RAP2A: variants seen among roughly 807,000 people sequenced by gnomAD.
RAP2A encodes the protein ras-related protein Rap-2a.
In RAP2A, 5 loss-of-function variants were observed where a neutral mutation model predicts 15.1. That is an observed-to-expected ratio of 0.33 (90% CI 0.17 to 0.70). RAP2A has a LOEUF of 0.70. Ranked by LOEUF, RAP2A falls within the 30% of genes least tolerant of loss-of-function variation. The probability of loss-of-function intolerance (pLI) is 0.68; values close to 1 mark genes in which losing one functional copy is unlikely to be tolerated. For synonymous variants in RAP2A, 110 were observed against 99.7 expected, an observed-to-expected ratio of 1.10 and a Z score of -0.62; for missense variants, 111 against 240.3, an observed-to-expected ratio of 0.46 and a Z score of 3.56.
chr13:97,444,926 G>A (rs1269821881), intron 1 of RAP2A, among the ~76,000 whole-genome samples: 3 of 152,136 alleles, frequency 2.0e-5, no homozygotes, highest in African/African-American at 4.8e-5. Context: ...CAATAGAAAT[G>A]TATTGCTGAC....
intron 1 of RAP2A, among the ~76,000 whole-genome samples, chr13:97,444,400 A>G (rs2066671070): frequency 6.6e-6 from 1 of 152,216 alleles, no homozygotes; most frequent in Non-Finnish European, 1.5e-5. Context: ...AGACCTCTTT[A>G]TGAATACCAA....
At chr13:97,464,101 T>TA in intron 1 of RAP2A, 104 bp from the exon 2 acceptor site, 1 of 975,310 alleles carries the variant, frequency 1.0e-6, no homozygotes, top group Non-Finnish European at 1.6e-6. Context: ...CAACTGAAGA[T>TA]ACCATTTATG....
Position 97,434,440 on chromosome 13 carries a change from C to CGGA in RAP2A, c.-29_-28insAGG, listed in dbSNP as rs1478350683. On this transcript the variant is annotated 5_prime_UTR_variant, in exon 1 of 2. Transcript: ENST00000245304. ...GGCCGGCGTAGGTCTATGTCGCGGGCGGCGGCGGCGGCGGCGGCCGCGGAG... is the reference window on the plus strand; with the variant it reads ...GGCCGGCGTAGGTCTATGTCGCGGGCGGAGGCGGCGGCGGCGGCGGCCGCGGAG... 1 of 1,393,530 alleles carries CGGA rather than the reference C, an allele frequency of 7.2e-7. No individual in the cohort carries two copies. Among genetic ancestry groups the CGGA allele is most frequent in the Admixed American group, 2.2e-5 (1 of 46,484 alleles). The allele number at this position is 1,393,530 out of a possible 1,614,324, so 86.3% of individuals were successfully genotyped here.
intron 1 of RAP2A, among the ~76,000 whole-genome samples, chr13:97,453,757 A>T (rs968191133): frequency 6.6e-6 from 1 of 150,742 alleles, no homozygotes; most frequent in African/African-American, 2.5e-5. Context: ...GATGATTATC[A>T]TGGTTAATTT....
In RAP2A at chr13:97,434,484, A is replaced by G. The variant is rs1313469961; in HGVS notation, c.14A>G (p.Lys5Arg). Reference sequence around the variant, plus strand: ...CGCGGAGGGACGATGCGCGAGTACAAAGTGGTGGTGCTGGGCTCGGGCGGG... The same window carrying G: ...CGCGGAGGGACGATGCGCGAGTACAGAGTGGTGGTGCTGGGCTCGGGCGGG... The part of the protein sequence containing the change: MREY[K>R]VVVLGSGGVG... Residue 5 changes from lysine (K) to arginine (R), a missense_variant, in exon 1 of 2, where the codon AAA (lysine) becomes AGA (arginine). Around this residue, in one of 3 missense-constraint regions of RAP2A, gnomAD observed 20 missense variants for 28.2 expected, o/e 0.71. Coordinates refer to ENST00000245304, the MANE Select transcript of RAP2A (RefSeq NM_021033.7). The G allele has an allele frequency of 1.9e-6, 3 of 1,606,186 alleles. No individual in the cohort carries two copies. Among genetic ancestry groups the G allele is most frequent in the Admixed American group, 1.7e-5 (1 of 59,710 alleles).
intron 1 of RAP2A, among the ~76,000 whole-genome samples, chr13:97,447,971 G>GT (rs1193974683): frequency 0.019 from 2,618 of 140,352 alleles, 29 homozygotes; most frequent in African/African-American, 0.045. Context: ...GAGTTCTTGG[G>GT]TTTTTTTTTT....
chr13:97,463,615 G>A (rs959090312), intron 1 of RAP2A, among the ~76,000 whole-genome samples: 7 of 152,054 alleles, frequency 4.6e-5, no homozygotes, highest in Non-Finnish European at 7.4e-5. Context: ...CTATTAGAAC[G>A]AACATGATCA....
chr13:97,454,500 TCA>T (rs1026945779), intron 1 of RAP2A, among the ~76,000 whole-genome samples: 2 of 151,264 alleles, frequency 1.3e-5, no homozygotes, highest in African/African-American at 4.9e-5. Context: ...ACCTAACCGT[TCA>T]CAGTCTACTT....
intron 1 of RAP2A, among the ~76,000 whole-genome samples, chr13:97,435,145 GAAC>G (rs1379618146): frequency 5.9e-5 from 9 of 152,226 alleles, no homozygotes; most frequent in South Asian, 2.1e-4. Context: ...TTTGCAGACT[GAAC>G]AACAACAATC....
chr13:97,442,872 G>T (rs1257262657), intron 1 of RAP2A, among the ~76,000 whole-genome samples: 1 of 152,144 alleles, frequency 6.6e-6, no homozygotes, highest in Non-Finnish European at 1.5e-5. Flanking sequence ...TTCAGAGAAA[G>T]ATAGCATTTA....
At chr13:97,444,313 AAT>A (rs2066670407) in intron 1 of RAP2A, among the ~76,000 whole-genome samples, 1 of 151,986 alleles carries the variant, frequency 6.6e-6, no homozygotes, top group African/African-American at 2.4e-5. Context: ...TTTAAATATT[AAT>A]ATGTGACATA....
At chr13:97,449,872 G>A (rs1456553267) in intron 1 of RAP2A, among the ~76,000 whole-genome samples, 2 of 151,974 alleles carry the variant, frequency 1.3e-5, no homozygotes. Flanking sequence ...CCTCTTCTGA[G>A]TTGTTTATTG....
intron 1 of RAP2A, among the ~76,000 whole-genome samples, chr13:97,443,417 T>G (rs1030033013): frequency 6.6e-6 from 1 of 152,234 alleles, no homozygotes; most frequent in African/African-American, 2.4e-5. Context: ...AGACAGGGTC[T>G]TGTTCTGTTG....
chr13:97,462,613 TAA>T (rs1368643184), intron 1 of RAP2A, among the ~76,000 whole-genome samples: 1 of 152,216 alleles, frequency 6.6e-6, no homozygotes, highest in African/African-American at 2.4e-5. Flanking sequence ...TAAATTTATA[TAA>T]AGTCCTTTGA....
intron 1 of RAP2A, among the ~76,000 whole-genome samples, chr13:97,442,349 C>A (rs1419371717): frequency 4.6e-5 from 7 of 151,486 alleles, no homozygotes; most frequent in African/African-American, 1.7e-4. Context: ...TAAAACATAC[C>A]AAAATTTATA....
At position 97,467,767 on chromosome 13, in the gene RAP2A, TATC is replaced by T. The variant is rs976645615; in HGVS notation, c.*3328_*3330del. On this transcript the variant is annotated 3_prime_UTR_variant, in exon 2 of 2. Transcript: ENST00000245304. ...CTGCAGTGGGTTTTGGAAACAGACT[TATC>T]ATTATTGATTTGAGGTTTCCCAGAG... is the stretch of plus-strand genomic sequence containing the variant. 18 of 152,568 alleles carry T rather than the reference TATC, an allele frequency of 1.2e-4. No individual in the cohort carries two copies. Among genetic ancestry groups the T allele is most frequent in the Admixed American group, 6.5e-4 (10 of 15,270 alleles). The allele number at this position is 152,568 out of a possible 1,614,324, so 9.5% of individuals were successfully genotyped here. A position where few individuals can be genotyped will look rare whatever the true frequency, so the allele number is the denominator to read the frequency against.
In RAP2A at chr13:97,468,498, TG is replaced by T. The variant is rs1349468931; in HGVS notation, c.*4057del. 1.3e-5 allele frequency: 2 copies of T among 152,372 alleles called. No individual in the cohort carries two copies. Among genetic ancestry groups the T allele is most frequent in the South Asian group, 2.1e-4 (1 of 4,830 alleles). The allele number at this position is 152,372 out of a possible 1,614,324, so 9.4% of individuals were successfully genotyped here. ...CTGTTAATTGTATACAGCCTTCAGC[TG>T]CTCTGATAAGGAGCCCATTCATTTC... On this transcript the variant is annotated 3_prime_UTR_variant, in exon 2 of 2. Transcript: ENST00000245304.
intron 1 of RAP2A, among the ~76,000 whole-genome samples, chr13:97,455,704 G>A (rs1477376909): frequency 1.3e-5 from 2 of 151,354 alleles, no homozygotes; most frequent in African/African-American, 4.9e-5. Context: ...TTTAACCTTT[G>A]TTATACTGCT....
chr13:97,447,436 G>A (rs1350595227), intron 1 of RAP2A, among the ~76,000 whole-genome samples: 2 of 152,138 alleles, frequency 1.3e-5, no homozygotes, highest in Admixed American at 6.5e-5. Flanking sequence ...ATTTGGTGGT[G>A]CTCTGCCTCA....
Sources: allele counts gnomAD v4.1 joint callset (sites outside exome capture counted in the v4.1 genomes callset), GRCh38; gene constraint gnomAD v4.1.1; regional missense constraint gnomAD v4.1.1; transcripts MANE v1.5; gene names NCBI Gene and HGNC (gene_info 2026-07-23, HGNC 2026-07-21).